FKBP5: variants seen among roughly 807,000 people sequenced by gnomAD.
FKBP5 encodes FKBP prolyl isomerase 5, also known as peptidyl-prolyl cis-trans isomerase FKBP5.
A neutral mutation model predicts 50.5 loss-of-function variants in FKBP5; 23 were observed. The ratio of observed to expected loss-of-function variants is 0.46; its 90% CI spans 0.33 to 0.65. The LOEUF is 0.65. Ranked by LOEUF, FKBP5 falls within the 30% of genes least tolerant of loss-of-function variation. FKBP5 has a pLI of 0.02. For synonymous variants in FKBP5, 176 were observed against 190.6 expected (o/e 0.92, Z 0.63); for missense variants, 411 against 553.1 (o/e 0.74, Z 2.58).
Position 35,652,206 on chromosome 6 carries a change from G to A in FKBP5, c.-19-9363C>T, listed in dbSNP as rs201707521. Among the ~76,000 whole-genome samples the A allele has an allele frequency of 7.2e-3, 1,092 of 152,162 alleles. 4 individuals are homozygous for A. The highest frequency in any genetic ancestry group is 0.017 in the Middle Eastern group (5 of 294). On this transcript the variant is annotated intron_variant, in intron 1 of 10. Coordinates refer to ENST00000357266, the MANE Select transcript of FKBP5 (RefSeq NM_004117.4). Reference sequence around the variant, plus strand: ...CTGTCAGCCGAGAAGGATGTGTATCGTCTCAGGACCCTGTAATAATTGCGT... The same window carrying A: ...CTGTCAGCCGAGAAGGATGTGTATCATCTCAGGACCCTGTAATAATTGCGT...
At chr6:35,632,797 G>A (rs764049184) in intron 3 of FKBP5, among the ~76,000 whole-genome samples, 1 of 151,836 alleles carries the variant, frequency 6.6e-6, no homozygotes, top group African/African-American at 2.4e-5. Flanking sequence ...GCTGAGGCAG[G>A]AGAATTGCTT....
At position 35,619,105 on chromosome 6, in the gene FKBP5, T is replaced by C; in HGVS notation, c.499A>G (p.Thr167Ala). The change falls in exon 5 of 11, where the codon ACA (threonine) becomes GCA (alanine). Residue 167 changes from threonine to alanine, a missense_variant. By Grantham distance (58) the Thr-to-Ala change is moderately conservative. Coordinates refer to ENST00000357266, the MANE Select transcript of FKBP5 (RefSeq NM_004117.4). ...EGYSNPNEGA[T>A]VEIHLEGRCG... ...TTACTTTAATACTTACTTTCTACTG[T>C]TGCTCCTTCGTTTGGATTTGAATAT... is the stretch of plus-strand genomic sequence containing the variant. 6.2e-7 allele frequency: 1 copy of C among 1,611,014 alleles called. No individual in the cohort carries two copies. The highest frequency in any genetic ancestry group is 8.5e-7 in the Non-Finnish European group (1 of 1,177,182).
intron 3 of FKBP5, among the ~76,000 whole-genome samples, chr6:35,636,620 G>A (rs1444754158): frequency 6.6e-6 from 1 of 152,158 alleles, no homozygotes; most frequent in Non-Finnish European, 1.5e-5. Flanking sequence ...GCTTTATCAG[G>A]ACATTTTTAC....
intron 1 of FKBP5, among the ~76,000 whole-genome samples, chr6:35,724,532 G>A (rs1766666411): frequency 6.6e-6 from 1 of 152,190 alleles, no homozygotes; most frequent in Non-Finnish European, 1.5e-5. Flanking sequence ...TTGAGAAATG[G>A]AGAATTTGCA....
At chr6:35,596,448 G>T (rs1052277924) in intron 6 of FKBP5, among the ~76,000 whole-genome samples, 13 of 152,040 alleles carry the variant, frequency 8.6e-5, no homozygotes, top group Non-Finnish European at 1.5e-4. Flanking sequence ...ACCACAAAAG[G>T]CTTAACATCA....
chr6:35,576,012 CTG>C (rs1209519519), intron 10 of FKBP5, 70 bp from the exon 11 acceptor site: 1 of 1,090,704 alleles, frequency 9.2e-7, no homozygotes, highest in South Asian at 1.2e-5. Context: ...CTCCTCCAGA[CTG>C]TGTATCAGGT....
intron 8 of FKBP5, chr6:35,584,764 T>C: frequency 2.0e-6 from 2 of 985,386 alleles, no homozygotes; most frequent in Non-Finnish European, 2.4e-6. Flanking sequence ...AATGGACTAA[T>C]GTTTTGAAAA....
At chr6:35,577,322 G>A (rs1213303049) in intron 9 of FKBP5, 89 bp from the exon 10 acceptor site, 7 of 1,227,172 alleles carry the variant, frequency 5.7e-6, no homozygotes, top group Admixed American at 4.9e-5. Context: ...AAAGGAGATG[G>A]AAAAAGTGTA....
At chr6:35,589,078 T>TTATATATATATTTATATA (rs1762712130) in intron 7 of FKBP5, among the ~76,000 whole-genome samples, 4 of 137,090 alleles carry the variant, frequency 2.9e-5, no homozygotes, top group South Asian at 2.2e-4. Context: ...GTGTATATAT[T>TTATATATATATTTATATA]TATATATATA....
intron 8 of FKBP5, chr6:35,586,505 G>A (rs1055148295): frequency 7.1e-6 from 7 of 988,218 alleles, no homozygotes; most frequent in Non-Finnish European, 7.2e-6. Context: ...AGTGGCTCAC[G>A]CCTGTAATCT....
intron 7 of FKBP5, among the ~76,000 whole-genome samples, chr6:35,589,124 A>AT (rs1561846574): frequency 3.1e-5 from 4 of 127,306 alleles, no homozygotes; most frequent in South Asian, 2.3e-4. Context: ...ATATATATAT[A>AT]TATATTTTTT....
intron 1 of FKBP5, among the ~76,000 whole-genome samples, chr6:35,653,783 A>G (rs1183463124): frequency 6.6e-6 from 1 of 152,206 alleles, no homozygotes; most frequent in Non-Finnish European, 1.5e-5. Flanking sequence ...ATGGGCTGAC[A>G]GGACAAGTGG....
chr6:35,593,281 C>T (rs1762876614), intron 6 of FKBP5, among the ~76,000 whole-genome samples: 1 of 152,090 alleles, frequency 6.6e-6, no homozygotes, highest in Admixed American at 6.5e-5. Flanking sequence ...GCGTTAATGC[C>T]CTTGAATTAA....
At chr6:35,682,888 C>G (rs1581880257) in intron 1 of FKBP5, among the ~76,000 whole-genome samples, 1 of 113,082 alleles carries the variant, frequency 8.8e-6, no homozygotes, top group Admixed American at 1.0e-4. Context: ...GGTGACAGAG[C>G]AAGAAACAAT....
chr6:35,610,253 C>T (rs1763448373), intron 5 of FKBP5, among the ~76,000 whole-genome samples: 1 of 152,016 alleles, frequency 6.6e-6, no homozygotes, highest in South Asian at 2.1e-4. Context: ...ACACTTTTTT[C>T]CCCTTTAAAT....
At chr6:35,647,726 A>C (rs1764668750) in intron 1 of FKBP5, among the ~76,000 whole-genome samples, 1 of 152,186 alleles carries the variant, frequency 6.6e-6, no homozygotes, top group East Asian at 1.9e-4. Flanking sequence ...TTCCTTCCAG[A>C]GTGCACACTG....
intron 1 of FKBP5, among the ~76,000 whole-genome samples, chr6:35,723,522 C>T (rs1174534246): frequency 6.6e-6 from 1 of 152,120 alleles, no homozygotes; most frequent in Non-Finnish European, 1.5e-5. Flanking sequence ...GGAAAATTCC[C>T]AGAAGACTGG....
chr6:35,616,172 G>A (rs1406107111), intron 5 of FKBP5, among the ~76,000 whole-genome samples: 16 of 151,828 alleles, frequency 1.1e-4, no homozygotes, highest in Non-Finnish European at 2.1e-4. Flanking sequence ...AAAATTAGTC[G>A]GGCATGGTGG....
intron 7 of FKBP5, among the ~76,000 whole-genome samples, chr6:35,589,090 T>TTATATATATATATATTTATATATATA (rs1762713961): frequency 7.4e-6 from 1 of 134,590 alleles, no homozygotes; most frequent in African/African-American, 2.9e-5. Context: ...ATATATATAT[T>TTATATATATATATATTTATATATATA]TTTATATATA....
Sources: gnomAD v4.1 joint callset for allele counts (sites outside exome capture counted in the v4.1 genomes callset) on GRCh38, gnomAD v4.1.1 for gene constraint, MANE v1.5 for transcripts, NCBI Gene and HGNC (gene_info 2026-07-23, HGNC 2026-07-21) for gene names.